The following HPSE2 variants were observed in gnomAD, a reference collection of about 807,000 sequenced individuals.
HPSE2 encodes the protein heparanase 2 (inactive), also known as inactive heparanase-2.
In HPSE2, 38 loss-of-function variants were observed where a neutral mutation model predicts 60.5. That is an observed-to-expected ratio of 0.63 (90% CI 0.48 to 0.82). The LOEUF is 0.82. Ranked by LOEUF, HPSE2 falls within the 40% of genes least tolerant of loss-of-function variation. HPSE2 has a pLI of 0.00. For missense variants in HPSE2, 713 were observed against 740.4 expected (o/e 0.96, Z 0.43); for synonymous variants, 295 against 293.2 (o/e 1.01, Z -0.06).
chr10:98,493,313 T>C (rs1941720363), intron 9 of HPSE2, among the ~76,000 whole-genome samples: 1 of 152,206 alleles, frequency 6.6e-6, no homozygotes, highest in Admixed American at 6.5e-5. Context: ...GTCTGTTAGA[T>C]CTAGTTGGTT....
At chr10:98,843,013 G>A (rs188137495) in intron 3 of HPSE2, among the ~76,000 whole-genome samples, 268 of 151,904 alleles carry the variant, frequency 1.8e-3, no homozygotes, top group African/African-American at 6.1e-3. Flanking sequence ...CATTCTTTTC[G>A]TGGCTTGATA....
chr10:98,716,446 T>TAAATAAAA (rs1467677872), intron 5 of HPSE2, among the ~76,000 whole-genome samples: 1 of 145,004 alleles, frequency 6.9e-6, no homozygotes, highest in Non-Finnish European at 1.5e-5. Flanking sequence ...TAATAAAAAA[T>TAAATAAAA]AAATAAATAA....
intron 3 of HPSE2, among the ~76,000 whole-genome samples, chr10:98,927,481 A>C (rs1308232454): frequency 6.7e-6 from 1 of 148,898 alleles, no homozygotes; most frequent in East Asian, 1.9e-4. Context: ...GAATTGGAAA[A>C]AACTACTTTA....
At chr10:98,977,397 T>C (rs1391751840) in intron 3 of HPSE2, among the ~76,000 whole-genome samples, 1 of 152,192 alleles carries the variant, frequency 6.6e-6, no homozygotes, top group Non-Finnish European at 1.5e-5. Flanking sequence ...AATCACACAC[T>C]GTGGATGTAC....
chr10:98,792,526 A>T (rs1263103574), intron 3 of HPSE2, among the ~76,000 whole-genome samples: 1 of 152,140 alleles, frequency 6.6e-6, no homozygotes, highest in Non-Finnish European at 1.5e-5. Context: ...ATTGGAAAGA[A>T]TAAAGGGTAT....
the HPSE2 span, among the ~76,000 whole-genome samples, chr10:99,258,830 C>T: frequency 3.9e-5 from 6 of 152,256 alleles, no homozygotes; most frequent in East Asian, 9.6e-4. Context: ...GTAAAACAAA[C>T]AAAACTTAGC....
chr10:98,802,378 G>A (rs960538504), intron 3 of HPSE2, among the ~76,000 whole-genome samples: 3 of 150,374 alleles, frequency 2.0e-5, no homozygotes, highest in Non-Finnish European at 4.4e-5. Context: ...GTGCAGGTTA[G>A]TTACATATGT....
At chr10:98,864,077 C>T (rs1019565307) in intron 3 of HPSE2, among the ~76,000 whole-genome samples, 1 of 151,974 alleles carries the variant, frequency 6.6e-6, no homozygotes, top group African/African-American at 2.4e-5. Context: ...ACCTCTAGTC[C>T]ACATGTTTGG....
chr10:98,604,634 A>G (rs1214768542), intron 9 of HPSE2, among the ~76,000 whole-genome samples: 2 of 152,234 alleles, frequency 1.3e-5, no homozygotes, highest in African/African-American at 4.8e-5. Context: ...GACAGTCGTA[A>G]GTACTATAAC....
rs113438857 is a variant in HPSE2, at chr10:98,901,635, T to C, written c.611-157579A>G. Among the ~76,000 whole-genome samples, 375 of 152,320 alleles carry C rather than the reference T, an allele frequency of 2.5e-3. 1 individual carries two copies. Among genetic ancestry groups the C allele is most frequent in the African/African-American group, 8.8e-3 (366 of 41,580 alleles). On this transcript the variant is annotated intron_variant, in intron 3 of 11. Transcript: ENST00000370552. Reference sequence around the variant, plus strand: ...TCTGCCCTCTGGAACTACTCTCATATAATCTTTATTGACAGCCTTCAAATA... The same window carrying C: ...TCTGCCCTCTGGAACTACTCTCATACAATCTTTATTGACAGCCTTCAAATA...
intron 3 of HPSE2, among the ~76,000 whole-genome samples, chr10:99,128,826 C>A (rs1404570090): frequency 6.6e-6 from 1 of 152,014 alleles, no homozygotes; most frequent in South Asian, 2.1e-4. Context: ...GCACATGTAT[C>A]CCAGAACTTA....
chr10:99,247,025 T>A, the HPSE2 span, among the ~76,000 whole-genome samples: 8 of 152,018 alleles, frequency 5.3e-5, no homozygotes, highest in Non-Finnish European at 7.4e-5. Flanking sequence ...CTTGAAGAAA[T>A]CTTAGAAATC....
Position 99,224,218 on chromosome 10 carries a change from GAACTC to G in HPSE2, c.448+8125_448+8129del, listed in dbSNP as rs985078950. Among the ~76,000 whole-genome samples, 8 of 152,086 alleles carry G rather than the reference GAACTC, an allele frequency of 5.3e-5. No individual in the cohort carries two copies. In the South Asian group the frequency reaches 8.3e-4, roughly 16 times the overall value. On this transcript the variant is annotated intron_variant, in intron 2 of 11. Transcript: ENST00000370552. ...AAAGTGAAGAAAACTGAATGGAACT[GAACTC>G]AACTCAATTAGATCATGAAAGCCAA... is the stretch of plus-strand genomic sequence containing the variant.
chr10:98,641,901 G>A lies in HPSE2; in HGVS notation c.1044C>T (p.Phe348=), dbSNP rs571126014. 15 of 1,613,816 alleles carry A rather than the reference G, an allele frequency of 9.3e-6. No homozygotes were observed. The highest frequency in any genetic ancestry group is 2.7e-5 in the African/African-American group (2 of 74,970). Residue 348 remains phenylalanine, a synonymous_variant, in exon 7 of 12, where the codon TTC becomes TTT. Coordinates refer to ENST00000370552, the MANE Select transcript of HPSE2 (RefSeq NM_021828.5). ...IDGRVVKVMD[F]LKTRLLDTLS... ...GTGTGTCTAACAGGCGAGTTTTCAG[G>A]AAGTCCATCACCTTGACCACCCGGC...
chr10:99,216,166 G>A lies in HPSE2; in HGVS notation c.448+16182C>T, dbSNP rs187221584. On this transcript the variant is annotated intron_variant, in intron 2 of 11. Transcript: ENST00000370552. ...TGCAGAGGAAGCTTTTAAAAATCTC[G>A]GCAATGGTCTAATAACCTAAACTTT... Among the ~76,000 whole-genome samples, 313 of 150,494 alleles carry A rather than the reference G, an allele frequency of 2.1e-3. 1 individual carries two copies. Among genetic ancestry groups the A allele is most frequent in the Non-Finnish European group, 3.3e-3 (225 of 67,822 alleles).
At chr10:98,918,891 T>A (rs1179687454) in intron 3 of HPSE2, among the ~76,000 whole-genome samples, 4 of 152,062 alleles carry the variant, frequency 2.6e-5, no homozygotes. Flanking sequence ...GTACATATTG[T>A]GGAGCAATAC....
At chr10:98,835,489 G>A (rs1565198265) in intron 3 of HPSE2, among the ~76,000 whole-genome samples, 1 of 152,046 alleles carries the variant, frequency 6.6e-6, no homozygotes, top group Non-Finnish European at 1.5e-5. Flanking sequence ...GGTAGGGAGA[G>A]GGTTAATTGG....
intron 3 of HPSE2, among the ~76,000 whole-genome samples, chr10:99,114,583 G>A (rs575991258): frequency 3.3e-5 from 5 of 152,252 alleles, no homozygotes; most frequent in Middle Eastern, 3.4e-3. Flanking sequence ...CAACAACTTA[G>A]GATATAAATA....
chr10:98,779,719 T>C (rs1950422406), intron 3 of HPSE2, among the ~76,000 whole-genome samples: 1 of 152,206 alleles, frequency 6.6e-6, no homozygotes, highest in African/African-American at 2.4e-5. Flanking sequence ...TCAACATTTA[T>C]TGAATATCGA....
Sources: allele counts gnomAD v4.1 joint callset (sites outside exome capture counted in the v4.1 genomes callset), GRCh38; gene constraint gnomAD v4.1.1; transcripts MANE v1.5; gene names NCBI Gene and HGNC (gene_info 2026-07-23, HGNC 2026-07-21).